ATG10: variants seen among roughly 807,000 people sequenced by gnomAD.
The protein encoded by ATG10 is ubiquitin-like-conjugating enzyme ATG10.
A neutral mutation model predicts 32.1 loss-of-function variants in ATG10; 30 were observed. The observed-to-expected ratio is 0.94, with a 90% CI of 0.70 to 1.27. The LOEUF is 1.27. Ranked by LOEUF, ATG10 falls within the 50% of genes most tolerant of loss-of-function variation. The probability of loss-of-function intolerance (pLI) is 0.00; values close to 1 mark genes in which losing one functional copy is unlikely to be tolerated. For synonymous variants in ATG10, 87 were observed against 91.5 expected, an observed-to-expected ratio of 0.95 and a Z score of 0.28; for missense variants, 233 against 262.3, an observed-to-expected ratio of 0.89 and a Z score of 0.77.
chr5:82,053,768 A>C (rs1334725978), intron 2 of ATG10, among the ~76,000 whole-genome samples: 2 of 152,166 alleles, frequency 1.3e-5, no homozygotes, highest in East Asian at 3.9e-4. Context: ...AATGGACAGC[A>C]AGGAGACCTA....
chr5:82,240,841 G>T (rs116011025), intron 5 of ATG10, among the ~76,000 whole-genome samples: 19 of 151,864 alleles, frequency 1.3e-4, no homozygotes, highest in Non-Finnish European at 1.0e-4. Context: ...AAAAGTTATA[G>T]ATTTAATTAT....
At chr5:82,225,301 C>T (rs1746081033) in intron 5 of ATG10, among the ~76,000 whole-genome samples, 2 of 152,170 alleles carry the variant, frequency 1.3e-5, no homozygotes, top group Admixed American at 1.3e-4. Flanking sequence ...AATCTTATAC[C>T]TATCCCTCAG....
intron 5 of ATG10, among the ~76,000 whole-genome samples, chr5:82,230,466 G>C (rs1437506937): frequency 6.6e-6 from 1 of 152,054 alleles, no homozygotes; most frequent in Non-Finnish European, 1.5e-5. Flanking sequence ...GGGCACGGTG[G>C]CTCACGCCTG....
chr5:82,222,069 G>A (rs1415086220), intron 5 of ATG10, among the ~76,000 whole-genome samples: 1 of 152,198 alleles, frequency 6.6e-6, no homozygotes, highest in African/African-American at 2.4e-5. Flanking sequence ...AATGTCTGAT[G>A]GTTTGAAGAG....
chr5:82,208,234 C>T (rs1180295144), intron 5 of ATG10, among the ~76,000 whole-genome samples: 2 of 146,816 alleles, frequency 1.4e-5, no homozygotes, highest in Non-Finnish European at 3.0e-5. Flanking sequence ...TCTTGATATC[C>T]AGCAAAAAAA....
At chr5:82,154,877 T>A (rs1767746494) in intron 3 of ATG10, among the ~76,000 whole-genome samples, 1 of 152,172 alleles carries the variant, frequency 6.6e-6, no homozygotes, top group East Asian at 1.9e-4. Flanking sequence ...CAGAGACAGT[T>A]TTGAGCAAGG....
At chr5:82,211,669 G>A (rs997961979) in intron 5 of ATG10, among the ~76,000 whole-genome samples, 1 of 152,154 alleles carries the variant, frequency 6.6e-6, no homozygotes, top group Admixed American at 6.5e-5. Flanking sequence ...CTTCATCCCT[G>A]TGGAAAATCT....
chr5:82,045,221 A>G (rs1206409628), intron 2 of ATG10, among the ~76,000 whole-genome samples: 1 of 152,078 alleles, frequency 6.6e-6, no homozygotes, highest in African/African-American at 2.4e-5. Context: ...TTGTTATTCT[A>G]TTATGGTTAG....
At chr5:82,038,702 G>A (rs1763003489) in intron 2 of ATG10, among the ~76,000 whole-genome samples, 1 of 152,124 alleles carries the variant, frequency 6.6e-6, no homozygotes, top group Non-Finnish European at 1.5e-5. Context: ...CTCCCATACT[G>A]TCTCTCAAAG....
rs150527459 is a variant in ATG10 at position 82,019,476 on chromosome 5, A to G, written c.108+31798A>G. Reference sequence around the variant, plus strand: ...AAAGACTCTAAGTAACTAATTTTCTATATTTGGATTGCTATGAATAATCTA... The same window carrying G: ...AAAGACTCTAAGTAACTAATTTTCTGTATTTGGATTGCTATGAATAATCTA... On this transcript the variant is annotated intron_variant, in intron 2 of 7. Transcript: ENST00000282185. Among the ~76,000 whole-genome samples the G allele has an allele frequency of 1.0e-3, 157 of 152,218 alleles. 1 individual carries two copies. The highest frequency in any genetic ancestry group is 3.0e-3 in the Admixed American group (46 of 15,298).
intron 2 of ATG10, among the ~76,000 whole-genome samples, chr5:82,013,677 G>T (rs1055392746): frequency 3.2e-4 from 49 of 150,882 alleles, no homozygotes; most frequent in Admixed American, 1.8e-3. Flanking sequence ...ATTTTTTTTT[G>T]ATTTTTTGAT....
At chr5:82,117,157 A>G (rs954302718) in intron 3 of ATG10, among the ~76,000 whole-genome samples, 1 of 152,084 alleles carries the variant, frequency 6.6e-6, no homozygotes, top group African/African-American at 2.4e-5. Context: ...TGCTGCTTTT[A>G]TTTTAGTTGA....
chr5:82,081,220 C>G (rs536059382), intron 3 of ATG10, among the ~76,000 whole-genome samples: 2 of 152,214 alleles, frequency 1.3e-5, no homozygotes, highest in Non-Finnish European at 2.9e-5. Flanking sequence ...TATCCTGAGA[C>G]TTTGCTGAAG....
intron 2 of ATG10, among the ~76,000 whole-genome samples, chr5:82,006,467 G>A (rs910481975): frequency 1.3e-5 from 2 of 152,150 alleles, no homozygotes; most frequent in Non-Finnish European, 2.9e-5. Context: ...TATATGAAGT[G>A]ATGTAATATA....
chr5:82,018,106 C>T lies in ATG10; in HGVS notation c.108+30428C>T, dbSNP rs147245644. Among the ~76,000 whole-genome samples, 152 of 152,300 alleles carry T rather than the reference C, an allele frequency of 1.0e-3. 1 individual carries two copies. The East Asian group carries it at 0.025, about 25-fold the overall frequency. Reference sequence around the variant, plus strand: ...TGACACTTCTACTTTGATGGATTCACTTAGATCCCGAAGCTAACATGTCCA... The same window carrying T: ...TGACACTTCTACTTTGATGGATTCATTTAGATCCCGAAGCTAACATGTCCA... On this transcript the variant is annotated intron_variant, in intron 2 of 7. Transcript: ENST00000282185.
At chr5:82,190,694 C>T (rs1376584432) in intron 5 of ATG10, among the ~76,000 whole-genome samples, 1 of 143,436 alleles carries the variant, frequency 7.0e-6, no homozygotes, top group Non-Finnish European at 1.5e-5. Flanking sequence ...TGGTGTGAAC[C>T]CAGGAGGAGG....
At position 82,253,411 on chromosome 5, in the gene ATG10, C is replaced by A. The variant is rs531539043; in HGVS notation, c.649C>A (p.Arg217=). 6.3e-7 allele frequency: 1 copy of A among 1,591,224 alleles called. No homozygotes were observed. Among genetic ancestry groups the A allele is most frequent in the Non-Finnish European group, 8.6e-7 (1 of 1,159,256 alleles). ...TGCCAAAGCAACGTCTCAGGATGAA[C>A]GAAATGTCCCTTAACAAGGTAAAAG... ...SYAKATSQDE[R]NVP is the part of the protein sequence containing the mutation. Residue 217 remains arginine, a synonymous_variant, in exon 7 of 8, where the codon CGA becomes AGA. Coordinates refer to ENST00000282185, the MANE Select transcript of ATG10 (RefSeq NM_031482.5).
chr5:82,004,260 G>A (rs1761929463), intron 2 of ATG10, among the ~76,000 whole-genome samples: 2 of 152,292 alleles, frequency 1.3e-5, no homozygotes, highest in East Asian at 1.9e-4. Context: ...ATTTACAAAG[G>A]AGAGATTGAG....
At chr5:82,228,478 A>C (rs539559339) in intron 5 of ATG10, among the ~76,000 whole-genome samples, 173 of 152,314 alleles carry the variant, frequency 1.1e-3, no homozygotes, top group Non-Finnish European at 1.9e-3. Context: ...AAGATGATCA[A>C]TAAAAAGCTT....
Sources: gnomAD v4.1 joint callset for allele counts (sites outside exome capture counted in the v4.1 genomes callset) on GRCh38, gnomAD v4.1.1 for gene constraint, MANE v1.5 for transcripts, NCBI Gene and HGNC (gene_info 2026-07-23, HGNC 2026-07-21) for gene names.